The following SRPX2 variants were observed in gnomAD, a reference collection of about 807,000 sequenced individuals.
SRPX2 encodes the protein sushi repeat containing protein X-linked 2, also known as sushi repeat-containing protein SRPX2.
Under a neutral mutation model 45.3 loss-of-function variants are expected in SRPX2, and 26 were observed. That is an observed-to-expected ratio of 0.57 (90% CI 0.42 to 0.80). The LOEUF (loss-of-function observed/expected upper bound fraction) is 0.80. Among genes scored for constraint, SRPX2 ranks in the 30% least tolerant of loss-of-function variants. SRPX2 has a pLI of 0.00. For missense variants in SRPX2, 355 were observed against 399.8 expected (o/e 0.89, Z 0.95); for synonymous variants, 125 against 143.7 (o/e 0.87, Z 0.93).
chrX:100,651,676 G>T (rs1193280240), intron 3 of SRPX2, among the ~76,000 whole-genome samples: 1 of 108,925 alleles, frequency 9.2e-6, no homozygotes, highest in Non-Finnish European at 1.9e-5. Flanking sequence ...CAGCTACTCA[G>T]GTGGCTGAAG....
rs1371985183 is a variant in SRPX2 at position 100,674,792 on chromosome X, G to A, written c.*3805G>A. 8.9e-6 allele frequency: 1 copy of A among 111,894 alleles called. No individual in the cohort carries two copies. The highest frequency in any genetic ancestry group is 3.3e-5 in the African/African-American group (1 of 30,754). The allele number at this position is 111,894 out of a possible 1,213,427, so 9.2% of individuals were successfully genotyped here. A position where few individuals can be genotyped will look rare whatever the true frequency, so the allele number is the denominator to read the frequency against. ...TTGGGTAGAAACGCTTATGAGAATA[G>A]AAAGGTCAGTTTGATCAATGAGTAC... On this transcript the variant is annotated 3_prime_UTR_variant, in exon 11 of 11. Coordinates refer to ENST00000373004, the MANE Select transcript of SRPX2 (RefSeq NM_014467.3).
rs980178788 is a variant in SRPX2 at position 100,673,813 on chromosome X, T to C, written c.*2826T>C. On this transcript the variant is annotated 3_prime_UTR_variant, in exon 11 of 11. Coordinates refer to ENST00000373004, the MANE Select transcript of SRPX2 (RefSeq NM_014467.3). ...GACTTTGATTCAAAGCCCAACTCTG[T>C]CACGTGACAGTAGGCTTGAGTTTCC... The C allele has an allele frequency of 4.5e-5, 5 of 112,203 alleles. No individual in the cohort carries two copies. The allele number at this position is 112,203 out of a possible 1,213,427, so 9.2% of individuals were successfully genotyped here.
At chrX:100,670,662 C>A in intron 10 of SRPX2, 145 bp from the exon 11 acceptor site, 1 of 621,495 alleles carries the variant, frequency 1.6e-6, no homozygotes, top group Non-Finnish European at 2.6e-6. Context: ...CGACTTGAGA[C>A]AGGAAGTAGA....
At chrX:100,659,865 C>T (rs1383068756) in intron 3 of SRPX2, among the ~76,000 whole-genome samples, 1 of 106,295 alleles carries the variant, frequency 9.4e-6, no homozygotes, top group African/African-American at 3.4e-5. Flanking sequence ...CTTCCCAACC[C>T]TAGGCCAACA....
At chrX:100,669,656 C>G (rs886811116) in intron 10 of SRPX2, among the ~76,000 whole-genome samples, 15 of 110,505 alleles carry the variant, frequency 1.4e-4, no homozygotes, top group Admixed American at 1.3e-3. Context: ...TGAGGGGACT[C>G]TGAAGCACAG....
Position 100,665,318 on chromosome X carries a change from T to C in SRPX2, c.608T>C (p.Val203Ala), listed in dbSNP as rs2083201004. 8.3e-7 allele frequency: 1 copy of C among 1,208,378 alleles called. No homozygotes were observed. The highest frequency in any genetic ancestry group is 1.1e-6 in the Non-Finnish European group (1 of 894,409). The change falls in exon 6 of 11, where the codon GTA becomes GCA. Residue 203 changes from valine (V) to alanine (A), a missense_variant. By Grantham distance (64) the Val-to-Ala change is moderately conservative. Coordinates refer to ENST00000373004, the MANE Select transcript of SRPX2 (RefSeq NM_014467.3). ...MAEPEKLTAR[V>A]YWDPPLVKDS... ...GAGCCAGAGAAATTGACTGCTCGAGTATACTGGGACCCACCGTTGGTGAAA... is the reference window on the plus strand; with the variant it reads ...GAGCCAGAGAAATTGACTGCTCGAGCATACTGGGACCCACCGTTGGTGAAA...
At chrX:100,655,308 T>C (rs934739552) in intron 3 of SRPX2, among the ~76,000 whole-genome samples, 1 of 111,444 alleles carries the variant, frequency 9.0e-6, no homozygotes, top group Non-Finnish European at 1.9e-5. Flanking sequence ...CTACTCTATG[T>C]ATTAAAAAGG....
intron 3 of SRPX2, among the ~76,000 whole-genome samples, chrX:100,651,788 C>CAAA (rs11362148): frequency 5.0e-5 from 3 of 59,540 alleles, no homozygotes; most frequent in Non-Finnish European, 9.2e-5. Context: ...GGCTCTGTCT[C>CAAA]AAAAAAAAAA....
rs1477032127 is a variant in SRPX2, at chrX:100,667,284, T to G, written c.972T>G (p.Ile324Met). The change falls in exon 9 of 11, where the codon ATT (isoleucine) becomes ATG (methionine). Residue 324 changes from isoleucine (I) to methionine (M), a missense_variant. By Grantham distance (10) the Ile-to-Met change is conservative. Transcript: ENST00000373004. ...GSPPICAPMK[I>M]NVNVNSAAGL... ...CTGCTTCTGCCCTAGCTATGAAGAT[T>G]AACGTCAACGTCAACTCAGCTGCTG... 1 of 1,209,973 alleles carries G rather than the reference T, an allele frequency of 8.3e-7. No homozygotes were observed. Among genetic ancestry groups the G allele is most frequent in the African/African-American group, 1.8e-5 (1 of 57,115 alleles).
Position 100,674,429 on chromosome X carries a change from G to C in SRPX2, c.*3442G>C, listed in dbSNP as rs1330526566. On this transcript the variant is annotated 3_prime_UTR_variant, in exon 11 of 11. Transcript: ENST00000373004. The stretch of plus-strand genomic sequence containing the variant: ...CTTTGGTTCTTATCCTTCAAGCCAG[G>C]GGAAAAGCAACAGTGAGGACATCAG... The C allele has an allele frequency of 1.8e-5, 2 of 112,333 alleles. No individual in the cohort carries two copies. Among genetic ancestry groups the C allele is most frequent in the East Asian group, 5.6e-4 (2 of 3,585 alleles). 9.3% of individuals were successfully genotyped at this position (112,333 alleles called of 1,213,427 possible).
At chrX:100,667,158 G>T in intron 8 of SRPX2, 116 bp from the exon 9 acceptor site, 1 of 1,119,456 alleles carries the variant, frequency 8.9e-7, no homozygotes, top group Non-Finnish European at 1.2e-6. Flanking sequence ...CAAGGGATGG[G>T]AGAAACAGCC....
intron 9 of SRPX2, 34 bp from the exon 10 acceptor site, chrX:100,669,214 C>T (rs1569362761): frequency 7.4e-6 from 9 of 1,208,250 alleles, no homozygotes; most frequent in Middle Eastern, 2.3e-4. Context: ...GAACGCACAG[C>T]TCTGTTGCAT....
Position 100,667,418 on chromosome X carries a change from CTCCCCTAAAGAGGGCTTAGCT to C in SRPX2, c.1095+12_1095+32del, listed in dbSNP as rs779441304. The C allele has an allele frequency of 8.3e-6, 10 of 1,211,792 alleles. No individual in the cohort carries two copies. The South Asian group carries it at 1.8e-4, about 21-fold the overall frequency. Reference sequence around the variant, plus strand: ...ATCTCTATGCTACAGGTAAGGCCCACTCCCCTAAAGAGGGCTTAGCTCCTGTAAATTATCCCTTACCTTTTC... The same window carrying C: ...ATCTCTATGCTACAGGTAAGGCCCACCCTGTAAATTATCCCTTACCTTTTC... On this transcript the variant is annotated intron_variant, in intron 9 of 10. Coordinates refer to ENST00000373004, the MANE Select transcript of SRPX2 (RefSeq NM_014467.3).
At position 100,671,178 on chromosome X, in the gene SRPX2, T is replaced by A; in HGVS notation, c.*191T>A. 1 of 510,674 alleles carries A rather than the reference T, an allele frequency of 2.0e-6. No homozygotes were observed. Among genetic ancestry groups the A allele is most frequent in the East Asian group, 3.7e-5 (1 of 27,145 alleles). The allele number at this position is 510,674 out of a possible 1,213,427, so 42.1% of individuals were successfully genotyped here. A position where few individuals can be genotyped will look rare whatever the true frequency, so the allele number is the denominator to read the frequency against. On this transcript the variant is annotated 3_prime_UTR_variant, in exon 11 of 11. Coordinates refer to ENST00000373004, the MANE Select transcript of SRPX2 (RefSeq NM_014467.3). ...TGTAATAGTTTCCCTAGAAGCTAGG[T>A]AGGGACTGAGGACAGGCCTTGGGCA...
intron 3 of SRPX2, among the ~76,000 whole-genome samples, chrX:100,658,225 T>C (rs774968001): frequency 1.8e-5 from 2 of 112,350 alleles, no homozygotes; most frequent in African/African-American, 6.5e-5. Context: ...TGTTTTCTTC[T>C]AGTAATTTTA....
chrX:100,663,585 T>G (rs754602312), intron 4 of SRPX2, among the ~76,000 whole-genome samples: 5 of 112,333 alleles, frequency 4.5e-5, no homozygotes, highest in Middle Eastern at 4.2e-3. Context: ...GCAATAATCT[T>G]TAAGTCTGGT....
chrX:100,655,832 G>GT (rs1435744906), intron 3 of SRPX2, among the ~76,000 whole-genome samples: 12 of 96,169 alleles, frequency 1.2e-4, no homozygotes, highest in East Asian at 6.4e-4. Flanking sequence ...TATTTTTGGG[G>GT]TTTTTTTAGG....
intron 4 of SRPX2, among the ~76,000 whole-genome samples, chrX:100,663,394 C>T (rs1007885983): frequency 8.9e-6 from 1 of 111,827 alleles, no homozygotes; most frequent in Non-Finnish European, 1.9e-5. Flanking sequence ...CATTTGAGCA[C>T]TGAATCTAGC....
In SRPX2 at chrX:100,646,282, A is replaced by G. The variant is rs1208228584; in HGVS notation, c.-41A>G. On this transcript the variant is annotated 5_prime_UTR_variant, in exon 2 of 11. Transcript: ENST00000373004. ...TTCCTTTGCCCTGGTACTTCAGGCC[A>G]TATACATCTTTTCTTGTCTCCATAA... The G allele has an allele frequency of 1.7e-6, 2 of 1,157,657 alleles. No homozygotes were observed. Among genetic ancestry groups the G allele is most frequent in the Admixed American group, 2.2e-5 (1 of 45,725 alleles).
Sources: gnomAD v4.1 joint callset for allele counts (sites outside exome capture counted in the v4.1 genomes callset) on GRCh38, gnomAD v4.1.1 for gene constraint, MANE v1.5 for transcripts, NCBI Gene and HGNC (gene_info 2026-07-23, HGNC 2026-07-21) for gene names.